Variants in EML2 observed in about 807,000 individuals in gnomAD.
The protein encoded by EML2 is EMAP like 2.
EML2 carries 59 observed loss-of-function variants against 84.7 expected under a neutral mutation model. The observed-to-expected ratio is 0.70, with a 90% CI of 0.56 to 0.86. The LOEUF is 0.86. Ranked by LOEUF, EML2 falls within the 40% of genes least tolerant of loss-of-function variation. The probability of loss-of-function intolerance (pLI) is 0.00; values close to 1 mark genes in which losing one functional copy is unlikely to be tolerated. For missense variants in EML2, 818 were observed against 855.6 expected, an observed-to-expected ratio of 0.96 and a Z score of 0.55; for synonymous variants, 352 against 348.9, an observed-to-expected ratio of 1.01 and a Z score of -0.10.
At chr19:45,630,551 C>CCAAAA (rs1555757025) in intron 6 of EML2, among the ~76,000 whole-genome samples, 3 of 106,200 alleles carry the variant, frequency 2.8e-5, no homozygotes, top group Non-Finnish European at 5.8e-5. Context: ...GACTCTGTCT[C>CCAAAA]AAAAAAAAAA....
upstream of EML2, chr19:45,643,703 C>T (rs1600257067): frequency 1.3e-6 from 2 of 1,534,902 alleles, no homozygotes; most frequent in East Asian, 2.4e-5. Flanking sequence ...ACAGGCCGCG[C>T]AGCTGGCCCT....
intron 10 of EML2, 47 bp downstream of exon 10, chr19:45,621,436 C>G (rs1555749999): frequency 2.5e-6 from 4 of 1,584,102 alleles, no homozygotes; most frequent in South Asian, 2.3e-5. Context: ...CTGGTGAGAT[C>G]GGGGGGGGCC....
upstream of EML2, chr19:45,641,629 C>T (rs1974515209): frequency 2.0e-6 from 3 of 1,535,766 alleles, no homozygotes; most frequent in Non-Finnish European, 2.6e-6. Context: ...TTGACGCCGC[C>T]CCAGTCCTTA....
chr19:45,613,410 C>G, intron 18 of EML2, 131 bp downstream of exon 18: 2 of 1,120,306 alleles, frequency 1.8e-6, no homozygotes, highest in Non-Finnish European at 2.5e-6. Context: ...GGGATCAAGA[C>G]TACTGTCCTC....
At chr19:45,645,226 G>GTCC (rs756805975), upstream of EML2, 40 of 1,521,262 alleles carry the variant, frequency 2.6e-5, no homozygotes, top group African/African-American at 4.8e-4. Flanking sequence ...GAAGAGATGG[G>GTCC]TCCAGCCTTG....
In EML2 at chr19:45,638,484, G is replaced by A. The variant is rs180713594; in HGVS notation, c.179+21C>T. On this transcript the variant is annotated intron_variant, in intron 3 of 18. Transcript: ENST00000245925. Reference sequence around the variant, plus strand: ...CTCCTGGGGGGATGGGAGCACCAAGGAGATTCCAGCAAAAGGATACACCCA... The same window carrying A: ...CTCCTGGGGGGATGGGAGCACCAAGAAGATTCCAGCAAAAGGATACACCCA... The A allele has an allele frequency of 3.2e-3, 5,237 of 1,613,804 alleles. 20 individuals are homozygous for A. Among genetic ancestry groups the A allele is most frequent in the Non-Finnish European group, 4.1e-3 (4,862 of 1,180,012 alleles).
chr19:45,634,294 C>G, intron 4 of EML2, 28 bp downstream of exon 4: 1 of 1,612,086 alleles, frequency 6.2e-7, no homozygotes, highest in African/African-American at 1.3e-5. Context: ...CCACAGCTCC[C>G]TCCCGTCCCC....
At chr19:45,637,795 G>A (rs1456135995) in intron 3 of EML2, among the ~76,000 whole-genome samples, 2 of 148,448 alleles carry the variant, frequency 1.3e-5, no homozygotes, top group Non-Finnish European at 3.0e-5. Flanking sequence ...TCCTGTCTCA[G>A]TCTCCCGAGT....
intron 7 of EML2, among the ~76,000 whole-genome samples, chr19:45,627,627 T>A (rs1972529142): frequency 1.3e-5 from 2 of 152,326 alleles, no homozygotes; most frequent in African/African-American, 4.8e-5. Flanking sequence ...ATCTTCTTCA[T>A]CATTAACAAA....
At chr19:45,630,551 C>CAAAAAAA (rs764565313) in intron 6 of EML2, among the ~76,000 whole-genome samples, 1 of 106,170 alleles carries the variant, frequency 9.4e-6, no homozygotes. Flanking sequence ...GACTCTGTCT[C>CAAAAAAA]AAAAAAAAAA....
chr19:45,624,235 T>G (rs1452233697), intron 9 of EML2, among the ~76,000 whole-genome samples: 2 of 152,222 alleles, frequency 1.3e-5, no homozygotes, highest in Non-Finnish European at 2.9e-5. Flanking sequence ...TAGTTAGCCA[T>G]TAGTGGTAAC....
upstream of EML2, among the ~76,000 whole-genome samples, chr19:45,644,179 G>T (rs1377921716): frequency 6.6e-6 from 1 of 152,200 alleles, no homozygotes; most frequent in East Asian, 1.9e-4. Context: ...TCCAGAATAG[G>T]ATTAACTATT....
upstream of EML2, chr19:45,641,604 A>G: frequency 6.5e-7 from 1 of 1,527,898 alleles, no homozygotes; most frequent in South Asian, 1.2e-5. Context: ...TTTCCTCCCT[A>G]TCTCTTTCTG....
At chr19:45,643,229 C>G (rs1392261617), upstream of EML2, among the ~76,000 whole-genome samples, 1 of 152,154 alleles carries the variant, frequency 6.6e-6, no homozygotes, top group Non-Finnish European at 1.5e-5. Flanking sequence ...CCCGTTTCCC[C>G]TCCTCTCCTC....
At chr19:45,625,848 C>A (rs866116661) in intron 8 of EML2, among the ~76,000 whole-genome samples, 62 of 151,794 alleles carry the variant, frequency 4.1e-4, no homozygotes, top group Admixed American at 3.3e-4. Flanking sequence ...ATCATATCGA[C>A]AACCGCAGCA....
intron 7 of EML2, 89 bp from the exon 8 acceptor site, chr19:45,626,928 G>T: frequency 7.6e-6 from 9 of 1,184,176 alleles, no homozygotes; most frequent in African/African-American, 3.2e-5. Context: ...CTAAACGGCT[G>T]TTTGTGTTGT....
intron 17 of EML2, among the ~76,000 whole-genome samples, chr19:45,614,009 T>C (rs933626157): frequency 6.6e-6 from 1 of 152,194 alleles, no homozygotes. Flanking sequence ...TGCCAAGTTC[T>C]GTGTCACGCG....
At chr19:45,639,524 C>G, upstream of EML2, 2 of 793,546 alleles carry the variant, frequency 2.5e-6, no homozygotes, top group Non-Finnish European at 3.4e-6. Flanking sequence ...GGTCACACAT[C>G]CCGGGCTGTG....
chr19:45,640,760 G>C (rs1284647603), upstream of EML2: 2 of 152,030 alleles, frequency 1.3e-5, no homozygotes, highest in African/African-American at 2.4e-5. Context: ...TCGCTATTTT[G>C]CCCAGCCTGG....
Sources: gnomAD v4.1 joint callset for allele counts (sites outside exome capture counted in the v4.1 genomes callset) on GRCh38, gnomAD v4.1.1 for gene constraint, MANE v1.5 for transcripts, NCBI Gene and HGNC (gene_info 2026-07-23, HGNC 2026-07-21) for gene names.